The following CYP2J2 variants were observed in gnomAD, a reference collection of about 807,000 sequenced individuals.
CYP2J2 encodes the protein cytochrome P450 2J2.
A neutral mutation model predicts 48.8 loss-of-function variants in CYP2J2; 41 were observed. The ratio of observed to expected loss-of-function variants is 0.84; its 90% CI spans 0.66 to 1.09. The LOEUF (loss-of-function observed/expected upper bound fraction) is 1.09. CYP2J2 is among the 50% of genes least tolerant of loss of function. The probability of loss-of-function intolerance (pLI) is 0.00; values close to 1 mark genes in which losing one functional copy is unlikely to be tolerated. For missense variants in CYP2J2, 644 were observed against 617.3 expected, an observed-to-expected ratio of 1.04 and a Z score of -0.46; for synonymous variants, 221 against 227.1, an observed-to-expected ratio of 0.97 and a Z score of 0.24.
chr1:59,944,985 C>T, the CYP2J2 span, among the ~76,000 whole-genome samples: 11,081 of 151,912 alleles, frequency 0.073, 541 homozygotes, highest in Non-Finnish European at 0.11. Context: ...ATTTATGTTG[C>T]TAGTATTTTC....
intron 1 of CYP2J2, among the ~76,000 whole-genome samples, chr1:59,922,357 G>A (rs1464980152): frequency 1.3e-5 from 2 of 152,150 alleles, no homozygotes; most frequent in Admixed American, 1.3e-4. Flanking sequence ...AATGAAAACT[G>A]ACATAAAAAT....
the CYP2J2 span, among the ~76,000 whole-genome samples, chr1:59,952,188 A>G: frequency 1.3e-5 from 2 of 152,152 alleles, no homozygotes; most frequent in Non-Finnish European, 2.9e-5. Flanking sequence ...GGCAGGCTTC[A>G]TCAGAAGGGC....
At chr1:59,895,474 T>C (rs1574243435) in intron 8 of CYP2J2, among the ~76,000 whole-genome samples, 1 of 152,338 alleles carries the variant, frequency 6.6e-6, no homozygotes, top group East Asian at 1.9e-4. Context: ...TGTTACATTA[T>C]TGGTAATCAC....
Position 59,911,661 on chromosome 1 carries a change from G to C in CYP2J2, c.631C>G (p.Leu211Val). Residue 211 changes from leucine (L) to valine (V), a missense_variant, in exon 4 of 9, where the codon CTG becomes GTG. Transcript: ENST00000371204. ...FEYQDSWFQQLLKLLDEVTYL... is the reference protein window; with the variant it reads ...FEYQDSWFQQVLKLLDEVTYL... ...GTGACTTCATCTAGTAACTTCAGCA[G>C]CTGCTGAAACCAACTATCCTGGTAC... 1 of 1,613,478 alleles carries C rather than the reference G, an allele frequency of 6.2e-7. No homozygotes were observed. Among genetic ancestry groups the C allele is most frequent in the Non-Finnish European group, 8.5e-7 (1 of 1,179,612 alleles).
intron 7 of CYP2J2, among the ~76,000 whole-genome samples, chr1:59,902,602 G>T (rs11572299): frequency 6.6e-6 from 1 of 152,018 alleles, no homozygotes; most frequent in Admixed American, 6.6e-5. Context: ...TTTTAGTAGA[G>T]ACGGTTTTCA....
chr1:59,943,031 G>A, the CYP2J2 span, among the ~76,000 whole-genome samples: 624 of 152,040 alleles, frequency 4.1e-3, 8 homozygotes, highest in African/African-American at 0.014. Flanking sequence ...GTTGATATGA[G>A]AAAAAAATGA....
the CYP2J2 span, among the ~76,000 whole-genome samples, chr1:59,948,830 T>G: frequency 6.6e-6 from 1 of 152,188 alleles, no homozygotes; most frequent in Non-Finnish European, 1.5e-5. Context: ...AGTGCAACCC[T>G]TGGTGCAAAT....
chr1:59,935,789 A>G, the CYP2J2 span, among the ~76,000 whole-genome samples: 18 of 152,142 alleles, frequency 1.2e-4, no homozygotes, highest in African/African-American at 4.3e-4. Flanking sequence ...TACTTCTTCT[A>G]TGTGATGGAG....
chr1:59,912,512 CA>C, intron 2 of CYP2J2: 1 of 552,566 alleles, frequency 1.8e-6, no homozygotes, highest in Non-Finnish European at 3.2e-6. Flanking sequence ...CTTTAATATG[CA>C]TTTTGTTGTG....
chr1:59,906,732 T>C (rs993932953), intron 6 of CYP2J2, among the ~76,000 whole-genome samples: 5 of 152,198 alleles, frequency 3.3e-5, no homozygotes, highest in African/African-American at 9.7e-5. Context: ...AGTGGAATCA[T>C]ACAGTGCTTA....
intron 7 of CYP2J2, among the ~76,000 whole-genome samples, chr1:59,902,222 T>TGA (rs11572301): frequency 0.077 from 11,652 of 152,254 alleles, 464 homozygotes; most frequent in African/African-American, 0.11. Context: ...CCTGCTAGTC[T>TGA]GTTTTTACAG....
At chr1:59,955,831 G>GA in the CYP2J2 span, among the ~76,000 whole-genome samples, 1 of 152,034 alleles carries the variant, frequency 6.6e-6, no homozygotes, top group Non-Finnish European at 1.5e-5. Context: ...AAAGGCTGGG[G>GA]AAATGTTCTA....
intron 8 of CYP2J2, among the ~76,000 whole-genome samples, chr1:59,896,927 A>G (rs2102102404): frequency 6.6e-6 from 1 of 152,216 alleles, no homozygotes; most frequent in East Asian, 1.9e-4. Context: ...AGTCAATTCT[A>G]TTTGCTGCTT....
At chr1:59,965,583 C>T in the CYP2J2 span, among the ~76,000 whole-genome samples, 6 of 152,294 alleles carry the variant, frequency 3.9e-5, no homozygotes, top group East Asian at 5.8e-4. Flanking sequence ...CTGGGATGAA[C>T]GCTCAGTGGA....
the CYP2J2 span, among the ~76,000 whole-genome samples, chr1:59,957,668 T>TCAGACA: frequency 2.0e-5 from 3 of 150,420 alleles, no homozygotes; most frequent in African/African-American, 7.4e-5. Context: ...TGAGAAATAT[T>TCAGACA]CACAGACACA....
the CYP2J2 span, among the ~76,000 whole-genome samples, chr1:59,965,197 G>A: frequency 4.3e-4 from 66 of 152,318 alleles, no homozygotes; most frequent in South Asian, 3.5e-3. Context: ...TTTTGGTACC[G>A]TTAGGTTTGA....
intron 2 of CYP2J2, among the ~76,000 whole-genome samples, chr1:59,913,649 G>T (rs1301152324): frequency 6.6e-6 from 1 of 152,070 alleles, no homozygotes; most frequent in Non-Finnish European, 1.5e-5. Flanking sequence ...TCAAATCCAG[G>T]TCTTCACTGC....
At chr1:59,957,861 C>T in the CYP2J2 span, among the ~76,000 whole-genome samples, 1 of 152,014 alleles carries the variant, frequency 6.6e-6, no homozygotes, top group Non-Finnish European at 1.5e-5. Context: ...CTAAGAGACA[C>T]CATAGGATGG....
chr1:59,945,407 C>CATCTATCTATCT, the CYP2J2 span, among the ~76,000 whole-genome samples: 84 of 148,920 alleles, frequency 5.6e-4, no homozygotes, highest in Admixed American at 1.1e-3. Flanking sequence ...CTCTTTCTGT[C>CATCTATCTATCT]ATCTATCTAT....
Sources: gnomAD v4.1 joint callset for allele counts (sites outside exome capture counted in the v4.1 genomes callset) on GRCh38, gnomAD v4.1.1 for gene constraint, MANE v1.5 for transcripts, NCBI Gene and HGNC (gene_info 2026-07-23, HGNC 2026-07-21) for gene names.